The following HMCN1 variants were observed in gnomAD, a reference collection of about 807,000 sequenced individuals.
The protein encoded by HMCN1 is hemicentin 1, also known as hemicentin-1.
HMCN1 carries 321 observed loss-of-function variants against 625.9 expected under a neutral mutation model. The ratio of observed to expected loss-of-function variants is 0.51; its 90% CI spans 0.47 to 0.56. HMCN1 has a LOEUF of 0.56. Among genes scored for constraint, HMCN1 ranks in the 20% least tolerant of loss-of-function variants. HMCN1 has a pLI of 0.00. For missense variants in HMCN1, 6,588 were observed against 6,887.3 expected (o/e 0.96, Z 1.54); for synonymous variants, 2,425 against 2,417.6 (o/e 1.00, Z -0.09).
chr1:186,092,734 T>C (rs1164140784), intron 64 of HMCN1, among the ~76,000 whole-genome samples: 1 of 152,102 alleles, frequency 6.6e-6, no homozygotes, highest in East Asian at 1.9e-4. Context: ...TGTTTTTTAT[T>C]AAGGTATTAA....
chr1:186,081,052 T>G (rs1659139861), intron 55 of HMCN1, among the ~76,000 whole-genome samples, 155 bp from the exon 56 acceptor site: 1 of 152,196 alleles, frequency 6.6e-6, no homozygotes, highest in Non-Finnish European at 1.5e-5. Context: ...CACCCCAATT[T>G]ATTAGTATAA....
intron 81 of HMCN1, among the ~76,000 whole-genome samples, chr1:186,125,123 T>TA (rs1270174352): frequency 6.6e-6 from 1 of 152,130 alleles, no homozygotes. Flanking sequence ...AATACTGCAA[T>TA]AAGTATTTTT....
intron 11 of HMCN1, among the ~76,000 whole-genome samples, chr1:185,950,661 C>A (rs1318828004): frequency 6.6e-6 from 1 of 151,812 alleles, no homozygotes; most frequent in East Asian, 1.9e-4. Context: ...GTCTGTGAAG[C>A]TTTGCAGCAG....
Position 186,021,480 on chromosome 1 carries a change from G to A in HMCN1, c.5626-1550G>A, listed in dbSNP as rs114229864. Among the ~76,000 whole-genome samples the A allele has an allele frequency of 6.2e-3, 948 of 152,204 alleles. 13 individuals carry two copies. The highest frequency in any genetic ancestry group is 0.021 in the African/African-American group (885 of 41,566). On this transcript the variant is annotated intron_variant, in intron 35 of 106. Transcript: ENST00000271588. Reference sequence around the variant, plus strand: ...AATATTTGAAACCATGGGCATGGATGAGTTAATCCAAGGAGAGAGTAAAGG... The same window carrying A: ...AATATTTGAAACCATGGGCATGGATAAGTTAATCCAAGGAGAGAGTAAAGG...
At chr1:185,991,393 C>T (rs1016822097) in intron 22 of HMCN1, among the ~76,000 whole-genome samples, 6 of 152,040 alleles carry the variant, frequency 3.9e-5, no homozygotes, top group Non-Finnish European at 5.9e-5. Context: ...TTATTGTTCC[C>T]TTCCACAGTC....
chr1:185,780,903 G>A (rs1214602129), intron 1 of HMCN1, among the ~76,000 whole-genome samples: 1 of 152,154 alleles, frequency 6.6e-6, no homozygotes, highest in African/African-American at 2.4e-5. Flanking sequence ...CTATTGATTG[G>A]AATAGTTTCA....
chr1:186,063,096 A>ATATATATGTATATATG lies in HMCN1; in HGVS notation c.7513+503_7513+504insGTATATATGTATATAT, dbSNP rs1185102259. Among the ~76,000 whole-genome samples the ATATATATGTATATATG allele has an allele frequency of 3.5e-5, 4 of 115,404 alleles. No homozygotes were observed. The South Asian group carries it at 1.1e-3, about 32-fold the overall frequency. 75.7% of individuals were successfully genotyped at this position (115,404 alleles called of 152,430 possible). A position where few individuals can be genotyped will look rare whatever the true frequency, so the allele number is the denominator to read the frequency against. On this transcript the variant is annotated intron_variant, in intron 48 of 106. Coordinates refer to ENST00000271588, the MANE Select transcript of HMCN1 (RefSeq NM_031935.3). Reference sequence around the variant, plus strand: ...TATATATATATATATATATATATATATATATATCACATTTTCATTACCCAA... The same window carrying ATATATATGTATATATG: ...TATATATATATATATATATATATATATATATATGTATATATGTATATATCACATTTTCATTACCCAA...
Position 185,865,735 on chromosome 1 carries a change from T to C in HMCN1, c.499-6T>C. The C allele has an allele frequency of 6.3e-7, 1 of 1,598,208 alleles. No homozygotes were observed. The highest frequency in any genetic ancestry group is 1.1e-5 in the South Asian group (1 of 90,702). ...ACACTGTTTCTTTTTTTTTTTTTAA[T>C]CATAGGTCGTATTTGTTCTGACTGG... On this transcript the variant is annotated splice_polypyrimidine_tract_variant and splice_region_variant and intron_variant, in intron 3 of 106. Transcript: ENST00000271588.
At chr1:185,921,038 C>T (rs1666980344) in intron 6 of HMCN1, among the ~76,000 whole-genome samples, 1 of 152,060 alleles carries the variant, frequency 6.6e-6, no homozygotes, top group Admixed American at 6.6e-5. Flanking sequence ...CAGGAAATCC[C>T]TGATTTAAAA....
intron 22 of HMCN1, among the ~76,000 whole-genome samples, chr1:185,991,887 C>T (rs1311077689): frequency 6.6e-6 from 1 of 152,108 alleles, no homozygotes; most frequent in African/African-American, 2.4e-5. Flanking sequence ...TATTGGTTGT[C>T]CATCCACCAA....
intron 4 of HMCN1, 150 bp from the exon 5 acceptor site, chr1:185,909,187 G>C: frequency 1.6e-6 from 1 of 626,934 alleles, no homozygotes; most frequent in East Asian, 2.7e-5. Context: ...GAATTAGAAA[G>C]AGTCCTATCT....
rs764866313 is a variant in HMCN1 at position 185,977,790 on chromosome 1, C to T, written c.2375C>T (p.Pro792Leu). 38 of 1,608,502 alleles carry T rather than the reference C, an allele frequency of 2.4e-5. No individual in the cohort carries two copies. The South Asian group carries it at 4.2e-4, about 18-fold the overall frequency. ...TGTTGTTTGTAATGTCTTCCAGCACCTCCAGTTTTCATACAAGAACCTGCT... is the reference window on the plus strand; with the variant it reads ...TGTTGTTTGTAATGTCTTCCAGCACTTCCAGTTTTCATACAAGAACCTGCT... ...TGKITLDVGSPPVFIQEPADV... is the reference protein window; with the variant it reads ...TGKITLDVGSLPVFIQEPADV... Residue 792 changes from proline (P) to leucine (L), a missense_variant, in exon 16 of 107, where the codon CCT becomes CTT. Physicochemically the swap from Pro to Leu is moderately conservative, Grantham distance 98. Coordinates refer to ENST00000271588, the MANE Select transcript of HMCN1 (RefSeq NM_031935.3).
chr1:185,844,092 A>T (rs1235814981), intron 1 of HMCN1, among the ~76,000 whole-genome samples: 1 of 152,166 alleles, frequency 6.6e-6, no homozygotes, highest in Non-Finnish European at 1.5e-5. Flanking sequence ...GCAATGTGGG[A>T]ACATAGAAGC....
chr1:185,767,949 T>C (rs572010962), intron 1 of HMCN1, among the ~76,000 whole-genome samples: 2 of 152,310 alleles, frequency 1.3e-5, no homozygotes, highest in South Asian at 4.1e-4. Flanking sequence ...TGTTGAAAGA[T>C]GGCTATCAGA....
chr1:185,859,683 A>T (rs1391823705), intron 2 of HMCN1, among the ~76,000 whole-genome samples: 1 of 151,912 alleles, frequency 6.6e-6, no homozygotes, highest in Non-Finnish European at 1.5e-5. Flanking sequence ...TATTATTTTG[A>T]AATGGAGTCT....
intron 89 of HMCN1, among the ~76,000 whole-genome samples, chr1:186,142,568 GT>G (rs892662157): frequency 5.9e-5 from 9 of 152,086 alleles, no homozygotes; most frequent in African/African-American, 2.2e-4. Flanking sequence ...TTTAGTTCTT[GT>G]TTTTTTGCAT....
At chr1:186,055,251 G>A (rs188888424) in intron 44 of HMCN1, 142 bp from the exon 45 acceptor site, 9 of 769,700 alleles carry the variant, frequency 1.2e-5, no homozygotes, top group Admixed American at 8.9e-5. Flanking sequence ...ATAACATCAT[G>A]TCTGTTAGTC....
chr1:186,005,330 T>G (rs1033468688), intron 29 of HMCN1, among the ~76,000 whole-genome samples: 4 of 146,422 alleles, frequency 2.7e-5, no homozygotes, highest in South Asian at 2.2e-4. Context: ...TTATAAACAA[T>G]TTTTTAATTG....
intron 42 of HMCN1, among the ~76,000 whole-genome samples, chr1:186,049,457 G>A (rs1656802442): frequency 6.6e-6 from 1 of 150,454 alleles, no homozygotes; most frequent in African/African-American, 2.5e-5. Context: ...GGTGGGAGAT[G>A]GGATTACTAT....
Sources: allele counts gnomAD v4.1 joint callset (sites outside exome capture counted in the v4.1 genomes callset), GRCh38; gene constraint gnomAD v4.1.1; transcripts MANE v1.5; gene names NCBI Gene and HGNC (gene_info 2026-07-23, HGNC 2026-07-21).